Variants in HSPH1 observed in about 807,000 individuals in gnomAD.
HSPH1 encodes the protein heat shock protein 105 kDa.
HSPH1 carries 40 observed loss-of-function variants against 100.0 expected under a neutral mutation model. The ratio of observed to expected loss-of-function variants is 0.40; its 90% CI spans 0.31 to 0.52. HSPH1 has a LOEUF of 0.52. Among genes scored for constraint, HSPH1 ranks in the 20% least tolerant of loss-of-function variants. The pLI is 0.54. For missense variants in HSPH1, 876 were observed against 1,015.1 expected (o/e 0.86, Z 1.86); for synonymous variants, 403 against 344.0 (o/e 1.17, Z -1.90).
intron 14 of HSPH1, 99 bp from the exon 15 acceptor site, chr13:31,139,206 A>G (rs1244325828): frequency 1.3e-6 from 1 of 753,314 alleles, no homozygotes; most frequent in African/African-American, 1.7e-5. Context: ...AATCTTATCT[A>G]GGAAGGCACT....
intron 7 of HSPH1, among the ~76,000 whole-genome samples, chr13:31,150,475 G>A (rs1307099677): frequency 6.6e-6 from 1 of 152,156 alleles, no homozygotes; most frequent in Non-Finnish European, 1.5e-5. Context: ...GTCTTGCTGA[G>A]TGCAGTGGCA....
chr13:31,158,941 T>A, intron 1 of HSPH1, 78 bp from the exon 2 acceptor site: 2 of 885,004 alleles, frequency 2.3e-6, no homozygotes, highest in South Asian at 1.4e-5. Flanking sequence ...AATACTAACA[T>A]AAATGTCCTA....
chr13:31,152,718 G>C, intron 5 of HSPH1, 134 bp downstream of exon 5: 1 of 622,958 alleles, frequency 1.6e-6, no homozygotes, highest in Non-Finnish European at 2.9e-6. Context: ...CATTTTAAGA[G>C]GTAGACTTTT....
chr13:31,143,935 G>T lies in HSPH1; in HGVS notation c.1585-12C>A. On this transcript the variant is annotated splice_polypyrimidine_tract_variant and intron_variant, in intron 11 of 17. Transcript: ENST00000320027. ...TGCTGGACATTTTTCTGAAATGAAA[G>T]CCCAGGCACAAAGGATGTAGAAAGC... is the stretch of plus-strand genomic sequence containing the variant. 1.3e-6 allele frequency: 2 copies of T among 1,580,164 alleles called. No homozygotes were observed. Among genetic ancestry groups the T allele is most frequent in the Non-Finnish European group, 1.7e-6 (2 of 1,162,732 alleles).
chr13:31,139,284 T>C (rs1956002022), intron 14 of HSPH1, 177 bp from the exon 15 acceptor site: 4 of 572,146 alleles, frequency 7.0e-6, no homozygotes, highest in South Asian at 4.7e-5. Context: ...TAAAATATTT[T>C]ATCTTAGAAG....
chr13:31,155,122 A>T (rs1042242844), intron 3 of HSPH1, among the ~76,000 whole-genome samples: 1 of 152,196 alleles, frequency 6.6e-6, no homozygotes, highest in Non-Finnish European at 1.5e-5. Context: ...GTTGATCACA[A>T]GACAGGAATA....
rs1324222872 is a variant in HSPH1 at position 31,136,325 on chromosome 13, G to C, written c.*993C>G. On this transcript the variant is annotated 3_prime_UTR_variant, in exon 18 of 18. Transcript: ENST00000320027. ...AAACAGCCTACAGCACTATAACATA[G>C]ACACTCACACAAATATACCCCCATC... 1 of 152,066 alleles carries C rather than the reference G, an allele frequency of 6.6e-6. No individual in the cohort carries two copies. The highest frequency in any genetic ancestry group is 2.4e-5 in the African/African-American group (1 of 41,364). 9.4% of individuals were successfully genotyped at this position (152,066 alleles called of 1,614,324 possible). A position where few individuals can be genotyped will look rare whatever the true frequency, so the allele number is the denominator to read the frequency against.
Position 31,150,020 on chromosome 13 carries a change from G to A in HSPH1, c.1071C>T (p.Phe357=). 1.2e-6 allele frequency: 2 copies of A among 1,613,832 alleles called. No individual in the cohort carries two copies. Among genetic ancestry groups the A allele is most frequent in the East Asian group, 2.2e-5 (1 of 44,870 alleles). ...IPAVKERIAK[F]FGKDISTTLN... ...GTGTTGTGCTAATATCTTTTCCAAA[G>A]AATTTGGCAATTCTTTCCTTCACAG... is the stretch of plus-strand genomic sequence containing the variant. The change falls in exon 8 of 18, where the codon TTC becomes TTT. Residue 357 remains phenylalanine, a synonymous_variant. Transcript: ENST00000320027.
intron 6 of HSPH1, 115 bp from the exon 7 acceptor site, chr13:31,151,306 A>G: frequency 1.1e-6 from 1 of 891,986 alleles, no homozygotes; most frequent in Non-Finnish European, 1.7e-6. Context: ...CTATATTTAA[A>G]TTATAACATG....
chr13:31,157,059 A>T (rs1463531266), intron 2 of HSPH1, among the ~76,000 whole-genome samples: 1 of 152,210 alleles, frequency 6.6e-6, no homozygotes, highest in East Asian at 1.9e-4. Flanking sequence ...TCTCTTACCT[A>T]ATTTTTTGAA....
intron 2 of HSPH1, 66 bp from the exon 3 acceptor site, chr13:31,155,720 A>C: frequency 7.3e-7 from 1 of 1,376,898 alleles, no homozygotes; most frequent in African/African-American, 1.4e-5. Flanking sequence ...TAATTTTAGT[A>C]ATTTTATTTA....
Position 31,138,696 on chromosome 13 carries a change from A to T in HSPH1, c.2208+85T>A, listed in dbSNP as rs569737802. ...CAAATACCAAAATTTCAAAGTTAAG[A>T]CTATTCATGATGATTCCCAGCTTAA... On this transcript the variant is annotated intron_variant, in intron 16 of 17. Transcript: ENST00000320027. 2.7e-4 allele frequency: 409 copies of T among 1,538,026 alleles called. 4 individuals carry two copies. The South Asian group carries it at 4.8e-3, about 18-fold the overall frequency.
At position 31,138,918 on chromosome 13, in the gene HSPH1, A is replaced by T. The variant is rs1419481944; in HGVS notation, c.2089-18T>A. On this transcript the variant is annotated intron_variant, in intron 15 of 17. Transcript: ENST00000320027. ...CCAATTTTCTAAAATAAAATGTAAT[A>T]AATTAATAGTTATCATAATTTTATT... 1 of 1,582,002 alleles carries T rather than the reference A, an allele frequency of 6.3e-7. No individual in the cohort carries two copies. Among genetic ancestry groups the T allele is most frequent in the Admixed American group, 1.7e-5 (1 of 57,794 alleles).
rs1956478562 is a variant in HSPH1, at chr13:31,151,275, G to C, written c.664-84C>G. ...TCTTAAATATTACTACTCAAACAAT[G>C]AAAGACTAAGAGACTCAAGACTATA... On this transcript the variant is annotated intron_variant, in intron 6 of 17. Transcript: ENST00000320027. 7.4e-6 allele frequency: 8 copies of C among 1,078,170 alleles called. No homozygotes were observed. In the Admixed American group the frequency reaches 2.0e-4, roughly 26 times the overall value. 66.8% of individuals were successfully genotyped at this position (1,078,170 alleles called of 1,614,324 possible).
Position 31,161,617 on chromosome 13 carries a change from G to A in HSPH1, c.-35C>T, listed in dbSNP as rs1956917279. The A allele has an allele frequency of 1.2e-6, 2 of 1,608,618 alleles. No individual in the cohort carries two copies. The highest frequency in any genetic ancestry group is 1.7e-6 in the Non-Finnish European group (2 of 1,179,268). ...GCGGTCCGCCTCCGCCTCGGGTCTC[G>A]GTCTGCGTCCTCCGGCCCCCTGCCT... On this transcript the variant is annotated 5_prime_UTR_variant, in exon 1 of 18. Transcript: ENST00000320027.
In HSPH1 at chr13:31,137,032, A is replaced by G. The variant is rs41292145; in HGVS notation, c.*286T>C. On this transcript the variant is annotated 3_prime_UTR_variant, in exon 18 of 18. Coordinates refer to ENST00000320027, the MANE Select transcript of HSPH1 (RefSeq NM_006644.4). ...CAAGCAGTACAGTTTTTTTTCTCCAAAAGACAAAAGTCAGTTTCATCCTCA... is the reference window on the plus strand; with the variant it reads ...CAAGCAGTACAGTTTTTTTTCTCCAGAAGACAAAAGTCAGTTTCATCCTCA... 4.9e-4 allele frequency: 265 copies of G among 535,988 alleles called. No individual in the cohort carries two copies. The highest frequency in any genetic ancestry group is 7.8e-4 in the Non-Finnish European group (219 of 282,036). 33.2% of individuals were successfully genotyped at this position (535,988 alleles called of 1,614,324 possible).
In HSPH1 at chr13:31,150,927, C is replaced by G; in HGVS notation, c.908+20G>C. 1 of 1,595,392 alleles carries G rather than the reference C, an allele frequency of 6.3e-7. No homozygotes were observed. The highest frequency in any genetic ancestry group is 8.5e-7 in the Non-Finnish European group (1 of 1,171,136). On this transcript the variant is annotated intron_variant, in intron 7 of 17. Coordinates refer to ENST00000320027, the MANE Select transcript of HSPH1 (RefSeq NM_006644.4). ...TCAAAAGAAGTTCCATCTATTTAAT[C>G]TGTAGAATTCAAGACACACCTGTTC... is the stretch of plus-strand genomic sequence containing the variant.
At chr13:31,143,558 G>A (rs1271623317) in intron 12 of HSPH1, among the ~76,000 whole-genome samples, 1 of 152,066 alleles carries the variant, frequency 6.6e-6, no homozygotes, top group African/African-American at 2.4e-5. Context: ...ACTTCGAGTG[G>A]CAGTTAATCA....
chr13:31,139,976 C>A (rs2137540130), intron 14 of HSPH1, among the ~76,000 whole-genome samples: 1 of 152,128 alleles, frequency 6.6e-6, no homozygotes, highest in South Asian at 2.1e-4. Context: ...GTTCTCTCTT[C>A]TAGATGGTAA....
Sources: gnomAD v4.1 joint callset for allele counts (sites outside exome capture counted in the v4.1 genomes callset) on GRCh38, gnomAD v4.1.1 for gene constraint, MANE v1.5 for transcripts, NCBI Gene and HGNC (gene_info 2026-07-23, HGNC 2026-07-21) for gene names.